The following PDE4D variants were observed in gnomAD, a reference collection of about 807,000 sequenced individuals.
The protein encoded by PDE4D is phosphodiesterase 4D.
Under a neutral mutation model 87.4 loss-of-function variants are expected in PDE4D, and 24 were observed. The observed-to-expected ratio is 0.27, with a 90% CI of 0.20 to 0.39. PDE4D has a LOEUF of 0.39. Among genes scored for constraint, PDE4D ranks in the 10% least tolerant of loss-of-function variants. The pLI, the probability that PDE4D is intolerant of heterozygous loss-of-function variation, is 1.00. For synonymous variants in PDE4D, 384 were observed against 383.2 expected, an observed-to-expected ratio of 1.00 and a Z score of -0.02; for missense variants, 714 against 1,041.0, an observed-to-expected ratio of 0.69 and a Z score of 4.32.
chr5:59,508,808 C>T (rs1436917850), intron 1 of PDE4D, among the ~76,000 whole-genome samples: 1 of 151,908 alleles, frequency 6.6e-6, no homozygotes, highest in Non-Finnish European at 1.5e-5. Context: ...ACTCAACAAA[C>T]AGGTGAAACA....
At chr5:59,682,419 T>A (rs1749179499) in intron 1 of PDE4D, among the ~76,000 whole-genome samples, 1 of 152,224 alleles carries the variant, frequency 6.6e-6, no homozygotes, top group Non-Finnish European at 1.5e-5. Flanking sequence ...CCTGCCCAAG[T>A]TGTATGACCT....
rs900420758 is a variant in PDE4D at position 58,971,275 on chromosome 5, A to G, written c.*3389T>C. ...CTTTAAGTATTTTATAGTTTTCTTG[A>G]ATCTTCCATAAACAAGCTCTAAGGT... On this transcript the variant is annotated 3_prime_UTR_variant, in exon 15 of 15. Coordinates refer to ENST00000340635, the MANE Select transcript of PDE4D (RefSeq NM_001104631.2). The G allele has an allele frequency of 3.9e-5, 6 of 152,626 alleles. No homozygotes were observed. Among genetic ancestry groups the G allele is most frequent in the African/African-American group, 1.4e-4 (6 of 41,460 alleles). The allele number at this position is 152,626 out of a possible 1,614,324, so 9.5% of individuals were successfully genotyped here.
intron 1 of PDE4D, among the ~76,000 whole-genome samples, chr5:60,332,833 C>T (rs1015306352): frequency 1.3e-5 from 2 of 152,118 alleles, no homozygotes; most frequent in East Asian, 1.9e-4. Context: ...AGACATGATT[C>T]ATCGAAAAGT....
At chr5:59,192,071 T>C (rs562547144) in intron 3 of PDE4D, among the ~76,000 whole-genome samples, 31 of 152,262 alleles carry the variant, frequency 2.0e-4, no homozygotes, top group African/African-American at 6.7e-4. Context: ...TTATTTTTAA[T>C]TGCCTGCATT....
intron 3 of PDE4D, among the ~76,000 whole-genome samples, chr5:59,917,100 G>A (rs1373621051): frequency 2.0e-5 from 3 of 151,330 alleles, no homozygotes; most frequent in African/African-American, 7.3e-5. Flanking sequence ...CACCATGCCC[G>A]GCCATCCTTC....
intron 2 of PDE4D, among the ~76,000 whole-genome samples, chr5:60,059,887 TC>T (rs560736698): frequency 6.6e-6 from 1 of 151,550 alleles, no homozygotes; most frequent in Non-Finnish European, 1.5e-5. Context: ...CATGTTCTGA[TC>T]CCCCCCAGGA....
chr5:59,418,867 C>T (rs1232146601), intron 1 of PDE4D, among the ~76,000 whole-genome samples: 1 of 152,098 alleles, frequency 6.6e-6, no homozygotes, highest in Non-Finnish European at 1.5e-5. Context: ...CCAGGCTGGT[C>T]TCAAACTCCT....
At chr5:59,583,597 C>T (rs903395999) in intron 1 of PDE4D, among the ~76,000 whole-genome samples, 2 of 152,234 alleles carry the variant, frequency 1.3e-5, no homozygotes, top group African/African-American at 2.4e-5. Context: ...TCATACCACT[C>T]TTTTAGCACG....
At position 58,975,756 on chromosome 5, in the gene PDE4D, T is replaced by C. The variant is rs769583461; in HGVS notation, c.1914A>G (p.Ile638Met). ...CTCCTTGGCGGAAGAACTCCTCCAT[T>C]ATCCGGTCCGTCCACTGGCGGTACA... is the stretch of plus-strand genomic sequence containing the variant. ...LQLYRQWTDRIMEEFFRQGDR... is the reference protein window; with the variant it reads ...LQLYRQWTDRMMEEFFRQGDR... The change falls in exon 14 of 15, where the codon ATA becomes ATG. Residue 638 changes from isoleucine (I) to methionine (M), a missense_variant. Coordinates refer to ENST00000340635, the MANE Select transcript of PDE4D (RefSeq NM_001104631.2). The surrounding 1 kb of genome is among the most constrained non-coding windows in gnomAD (Gnocchi z 4.2). 2 of 1,613,340 alleles carry C rather than the reference T, an allele frequency of 1.2e-6. No individual in the cohort carries two copies. Among genetic ancestry groups the C allele is most frequent in the South Asian group, 1.1e-5 (1 of 90,980 alleles).
intron 1 of PDE4D, among the ~76,000 whole-genome samples, chr5:59,469,837 T>C (rs1802173522): frequency 6.6e-6 from 1 of 152,156 alleles, no homozygotes; most frequent in Non-Finnish European, 1.5e-5. Context: ...GATCTGGTGC[T>C]GGCTGGGCAA....
chr5:59,789,962 A>G (rs1041623453), intron 1 of PDE4D, among the ~76,000 whole-genome samples: 3 of 152,258 alleles, frequency 2.0e-5, no homozygotes, highest in Non-Finnish European at 4.4e-5. Flanking sequence ...AAAAGCAGGA[A>G]GAGTTCTTTC....
At chr5:58,996,644 T>G (rs1749302231) in intron 6 of PDE4D, among the ~76,000 whole-genome samples, 1 of 152,146 alleles carries the variant, frequency 6.6e-6, no homozygotes, top group Non-Finnish European at 1.5e-5. Flanking sequence ...TATCACAGGT[T>G]TATCTTCTAA....
intron 1 of PDE4D, among the ~76,000 whole-genome samples, chr5:60,246,027 TGCCTGTA>T (rs368696121): frequency 0.82 from 123,863 of 151,744 alleles, 50,843 homozygotes; most frequent in East Asian, 0.91. Flanking sequence ...CTGTACCCCA[TGCCTGTA>T]CAAAATATCT....
intron 1 of PDE4D, among the ~76,000 whole-genome samples, chr5:59,349,221 T>A (rs935250495): frequency 1.2e-4 from 18 of 152,126 alleles, no homozygotes; most frequent in Non-Finnish European, 2.5e-4. Flanking sequence ...ATCAGACACC[T>A]CTCTTCAGAC....
chr5:59,919,480 A>G (rs1581736267), intron 3 of PDE4D, among the ~76,000 whole-genome samples: 1 of 152,190 alleles, frequency 6.6e-6, no homozygotes, highest in Non-Finnish European at 1.5e-5. Context: ...GATTAACTGT[A>G]TCTGTACTTT....
In PDE4D at chr5:60,379,191, G is replaced by GAA. The variant is rs60761481; in HGVS notation, c.-90+108749_-90+108750dup. On this transcript the variant is annotated intron_variant, in intron 1 of 16. Coordinates refer to the PDE4D transcript ENST00000502484. ...GTTTTTAAAACTGTAACCAGGAAAAGAAAAAAAAAAAAACATTAAAACCAA... is the reference window on the plus strand; with the variant it reads ...GTTTTTAAAACTGTAACCAGGAAAAGAAAAAAAAAAAAAAACATTAAAACCAA... 2.0e-3 allele frequency among the ~76,000 whole-genome samples: 288 copies of GAA among 146,596 alleles called. 1 individual carries two copies. Among genetic ancestry groups the GAA allele is most frequent in the Admixed American group, 2.0e-3 (29 of 14,780 alleles).
intron 1 of PDE4D, among the ~76,000 whole-genome samples, chr5:59,473,031 T>C (rs1802698366): frequency 6.7e-6 from 1 of 148,688 alleles, no homozygotes; most frequent in South Asian, 2.1e-4. Flanking sequence ...CAAAGCTAGG[T>C]TCATGGCCTT....
rs528445708 is a variant in PDE4D at position 59,323,699 on chromosome 5, T to G, written c.456-107731A>C. 5.1e-4 allele frequency among the ~76,000 whole-genome samples: 78 copies of G among 152,238 alleles called. 1 individual carries two copies. The highest frequency in any genetic ancestry group is 7.9e-4 in the Admixed American group (12 of 15,274). ...CTTAAAGCCCTTCACCACTCTTTCC[T>G]GGAATATTGTAATTGATTCTCACAT... On this transcript the variant is annotated intron_variant, in intron 1 of 14. Coordinates refer to ENST00000340635, the MANE Select transcript of PDE4D (RefSeq NM_001104631.2).
At chr5:59,304,240 A>C (rs1770835382) in intron 1 of PDE4D, among the ~76,000 whole-genome samples, 1 of 152,050 alleles carries the variant, frequency 6.6e-6, no homozygotes, top group South Asian at 2.1e-4. Context: ...TGTGTACATT[A>C]ATCTTGTATC....
Sources: gnomAD v4.1 joint callset for allele counts (sites outside exome capture counted in the v4.1 genomes callset) on GRCh38, gnomAD v4.1.1 for gene constraint, Gnocchi (gnomAD v3.1) non-coding constraint, MANE v1.5 for transcripts, NCBI Gene and HGNC (gene_info 2026-07-23, HGNC 2026-07-21) for gene names.